VPS13B: variants seen among roughly 807,000 people sequenced by gnomAD.
The protein encoded by VPS13B is vacuolar protein sorting 13 homolog B.
In VPS13B, 285 loss-of-function variants were observed where a neutral mutation model predicts 426.4. The observed-to-expected ratio is 0.67, with a 90% CI of 0.61 to 0.74. The LOEUF is 0.74. Among genes scored for constraint, VPS13B ranks in the 30% least tolerant of loss-of-function variants. The pLI is 0.00. For synonymous variants in VPS13B, 1,676 were observed against 1,676.4 expected, an observed-to-expected ratio of 1.00 and a Z score of 0.01; for missense variants, 4,537 against 4,782.6, an observed-to-expected ratio of 0.95 and a Z score of 1.51.
rs555607760 is a variant in VPS13B at position 99,765,123 on chromosome 8, G to A, written c.7051-1651G>A. On this transcript the variant is annotated intron_variant, in intron 39 of 61. Transcript: ENST00000357162. ...TAGCTGGGCGTGATGGTGCATGCCTGTAATCCCAGCTACTCGGGAAGCTGA... is the reference window on the plus strand; with the variant it reads ...TAGCTGGGCGTGATGGTGCATGCCTATAATCCCAGCTACTCGGGAAGCTGA... Among the ~76,000 whole-genome samples the A allele has an allele frequency of 3.2e-3, 484 of 152,242 alleles. 4 individuals are homozygous for A. The highest frequency in any genetic ancestry group is 0.011 in the African/African-American group (459 of 41,536).
intron 19 of VPS13B, among the ~76,000 whole-genome samples, chr8:99,355,547 C>T (rs541117379): frequency 6.6e-5 from 10 of 152,210 alleles, no homozygotes; most frequent in Admixed American, 5.9e-4. Flanking sequence ...GCCTAGATAG[C>T]GCCACTGCAC....
intron 43 of VPS13B, chr8:99,799,075 T>C (rs1813001217): frequency 6.6e-6 from 1 of 152,224 alleles, no homozygotes; most frequent in Non-Finnish European, 1.5e-5. Context: ...GTGGCACTTA[T>C]TATTTCCGTG....
At chr8:99,838,099 C>T (rs1815486054) in intron 54 of VPS13B, among the ~76,000 whole-genome samples, 1 of 152,134 alleles carries the variant, frequency 6.6e-6, no homozygotes, top group African/African-American at 2.4e-5. Flanking sequence ...ATTGAGAAGA[C>T]CTGCTAACAT....
intron 12 of VPS13B, among the ~76,000 whole-genome samples, chr8:99,137,416 A>G (rs1049327002): frequency 5.3e-5 from 8 of 152,116 alleles, no homozygotes; most frequent in African/African-American, 1.9e-4. Context: ...GATGAATGCA[A>G]TGAAAACCAA....
chr8:99,770,709 C>T (rs1448767929), intron 40 of VPS13B, among the ~76,000 whole-genome samples: 1 of 152,194 alleles, frequency 6.6e-6, no homozygotes, highest in Non-Finnish European at 1.5e-5. Context: ...TCCTCTTCTG[C>T]CTTCTAAGTC....
intron 40 of VPS13B, among the ~76,000 whole-genome samples, chr8:99,773,687 A>G (rs918003831): frequency 6.6e-6 from 1 of 152,188 alleles, no homozygotes; most frequent in Non-Finnish European, 1.5e-5. Flanking sequence ...TGAATCGTGA[A>G]TTGTGTTTAT....
chr8:99,450,782 C>T (rs1433679018), intron 23 of VPS13B, among the ~76,000 whole-genome samples: 1 of 151,852 alleles, frequency 6.6e-6, no homozygotes, highest in Non-Finnish European at 1.5e-5. Context: ...AATTATTTTT[C>T]TCTATCTTTA....
chr8:99,141,767 A>T (rs1454606202), intron 12 of VPS13B, among the ~76,000 whole-genome samples: 2 of 151,752 alleles, frequency 1.3e-5, no homozygotes, highest in Non-Finnish European at 2.9e-5. Flanking sequence ...ATTTTTGGCC[A>T]GGCGTGGTGG....
chr8:99,793,941 C>T (rs1214864074), intron 43 of VPS13B, among the ~76,000 whole-genome samples: 1 of 152,162 alleles, frequency 6.6e-6, no homozygotes, highest in Non-Finnish European at 1.5e-5. Flanking sequence ...CCATGTAAAA[C>T]ATTTATAAAG....
chr8:99,132,642 T>C (rs1157243597), intron 8 of VPS13B, among the ~76,000 whole-genome samples: 1 of 152,224 alleles, frequency 6.6e-6, no homozygotes, highest in Non-Finnish European at 1.5e-5. Flanking sequence ...TTACGAAATG[T>C]ATTCCTTAAA....
chr8:99,117,095 G>T (rs1847698711), intron 7 of VPS13B, among the ~76,000 whole-genome samples: 1 of 152,080 alleles, frequency 6.6e-6, no homozygotes, highest in African/African-American at 2.4e-5. Context: ...GACTCAGAAA[G>T]TTTTCAGGTG....
intron 19 of VPS13B, among the ~76,000 whole-genome samples, chr8:99,301,960 T>C (rs559838395): frequency 6.6e-6 from 1 of 152,256 alleles, no homozygotes; most frequent in Admixed American, 6.5e-5. Context: ...ATGTATTCTT[T>C]CTTGTGATTT....
chr8:99,533,547 A>G (rs1823042588), intron 30 of VPS13B, among the ~76,000 whole-genome samples: 1 of 152,202 alleles, frequency 6.6e-6, no homozygotes, highest in Admixed American at 6.5e-5. Context: ...GAGATTAACT[A>G]AATTTTTTGT....
chr8:99,379,829 AG>A (rs1248637066), intron 19 of VPS13B, among the ~76,000 whole-genome samples: 1 of 152,126 alleles, frequency 6.6e-6, no homozygotes, highest in Non-Finnish European at 1.5e-5. Context: ...TTACAGTTCA[AG>A]GGGCTCATTT....
chr8:99,568,068 C>G (rs558435948), intron 31 of VPS13B, among the ~76,000 whole-genome samples: 2 of 151,914 alleles, frequency 1.3e-5, no homozygotes, highest in African/African-American at 4.8e-5. Context: ...CAAAGACACT[C>G]GAGTAGGAAC....
At chr8:99,752,900 G>T (rs1588683852) in intron 39 of VPS13B, among the ~76,000 whole-genome samples, 1 of 152,136 alleles carries the variant, frequency 6.6e-6, no homozygotes, top group Admixed American at 6.5e-5. Context: ...TTGCTTATTT[G>T]TCAGTTTATA....
intron 35 of VPS13B, chr8:99,697,570 A>G (rs1218310277): frequency 1.5e-6 from 1 of 686,016 alleles, no homozygotes; most frequent in African/African-American, 1.8e-5. Flanking sequence ...AGAACATGCA[A>G]GAGATCAAGA....
intron 19 of VPS13B, among the ~76,000 whole-genome samples, chr8:99,374,998 C>T (rs1813405631): frequency 6.6e-6 from 1 of 152,176 alleles, no homozygotes; most frequent in Non-Finnish European, 1.5e-5. Flanking sequence ...TTTCATTCTC[C>T]TGCTTCGCAC....
chr8:99,305,390 CAG>C, intron 19 of VPS13B, among the ~76,000 whole-genome samples: 1 of 152,084 alleles, frequency 6.6e-6, no homozygotes, highest in Middle Eastern at 3.4e-3. Context: ...TTATAAAACC[CAG>C]AGATTATTTC....
Sources: allele counts gnomAD v4.1 joint callset (sites outside exome capture counted in the v4.1 genomes callset), GRCh38; gene constraint gnomAD v4.1.1; transcripts MANE v1.5; gene names NCBI Gene and HGNC (gene_info 2026-07-23, HGNC 2026-07-21).